Variants in PLXNA2 observed in about 807,000 individuals in gnomAD.
The protein encoded by PLXNA2 is plexin A2.
In PLXNA2, 91 loss-of-function variants were observed where a neutral mutation model predicts 193.5. The ratio of observed to expected loss-of-function variants is 0.47; its 90% CI spans 0.40 to 0.56. The LOEUF is 0.56. Ranked by LOEUF, PLXNA2 falls within the 20% of genes least tolerant of loss-of-function variation. The pLI is 0.00. For missense variants in PLXNA2, 1,995 were observed against 2,503.2 expected (o/e 0.80, Z 4.33); for synonymous variants, 997 against 1,027.3 (o/e 0.97, Z 0.56).
At chr1:208,224,813 C>G (rs759963788) in intron 1 of PLXNA2, among the ~76,000 whole-genome samples, 1 of 152,106 alleles carries the variant, frequency 6.6e-6, no homozygotes, top group Non-Finnish European at 1.5e-5. Context: ...CAGGAGGTGT[C>G]AAGACAAATT....
chr1:208,237,648 G>C (rs554120916), intron 1 of PLXNA2, among the ~76,000 whole-genome samples: 1 of 152,306 alleles, frequency 6.6e-6, no homozygotes, highest in Admixed American at 6.5e-5. Flanking sequence ...TTCTTCACAG[G>C]AAACTGTGAA....
chr1:208,189,330 C>G (rs1049941138), intron 3 of PLXNA2, among the ~76,000 whole-genome samples: 1 of 152,066 alleles, frequency 6.6e-6, no homozygotes, highest in African/African-American at 2.4e-5. Context: ...TTACCTGACT[C>G]TAAACAGAGG....
chr1:208,039,541 C>T (rs922038726), intron 24 of PLXNA2, 80 bp downstream of exon 24: 2 of 1,578,560 alleles, frequency 1.3e-6, no homozygotes, highest in East Asian at 4.5e-5. Context: ...ACCCCCTAGA[C>T]TGCTTTTATG....
chr1:208,096,633 T>C (rs561052616), intron 7 of PLXNA2, 97 bp downstream of exon 7: 9 of 1,359,458 alleles, frequency 6.6e-6, no homozygotes, highest in Non-Finnish European at 9.1e-6. Context: ...TATTAGTATC[T>C]GGTATAAGAA....
At chr1:208,133,022 T>G (rs1668204693) in intron 4 of PLXNA2, among the ~76,000 whole-genome samples, 1 of 152,168 alleles carries the variant, frequency 6.6e-6, no homozygotes, top group South Asian at 2.1e-4. Flanking sequence ...ACATTCGGCT[T>G]GGTATACCCT....
chr1:208,173,574 T>A (rs1669562261), intron 3 of PLXNA2, among the ~76,000 whole-genome samples: 1 of 152,212 alleles, frequency 6.6e-6, no homozygotes, highest in African/African-American at 2.4e-5. Context: ...AGCCCAGCGT[T>A]CTTTCCAGTC....
intron 3 of PLXNA2, among the ~76,000 whole-genome samples, chr1:208,199,385 GT>G (rs1035500736): frequency 1.3e-5 from 2 of 152,202 alleles, no homozygotes; most frequent in African/African-American, 4.8e-5. Context: ...TCAGTCTGAT[GT>G]TTTGTGCAGA....
intron 4 of PLXNA2, among the ~76,000 whole-genome samples, chr1:208,139,737 T>C (rs1421837939): frequency 6.6e-6 from 1 of 152,232 alleles, no homozygotes; most frequent in Non-Finnish European, 1.5e-5. Context: ...TTTTGACAGA[T>C]TATTCTCCTG....
intron 4 of PLXNA2, among the ~76,000 whole-genome samples, chr1:208,134,020 G>T (rs988864457): frequency 6.6e-6 from 1 of 152,154 alleles, no homozygotes; most frequent in Non-Finnish European, 1.5e-5. Flanking sequence ...CCCTCATCAA[G>T]GATTAGAGAG....
chr1:208,057,186 T>C (rs1002574518), intron 13 of PLXNA2, among the ~76,000 whole-genome samples: 16 of 152,236 alleles, frequency 1.1e-4, no homozygotes, highest in African/African-American at 2.9e-4. Context: ...CAGGATCTCA[T>C]GCCATCCTCA....
In PLXNA2 at chr1:208,029,085, G is replaced by A. The variant is rs375223744; in HGVS notation, c.5226-43C>T. ...GAAGACTTGAGAATGCATGCGGGCC[G>A]TGCCCCTTCTGCTGCCCACTGATAT... On this transcript the variant is annotated intron_variant, in intron 29 of 31. Coordinates refer to ENST00000367033, the MANE Select transcript of PLXNA2 (RefSeq NM_025179.4). The A allele has an allele frequency of 5.3e-5, 85 of 1,608,146 alleles. No individual in the cohort carries two copies. In the Admixed American group the frequency reaches 5.7e-4, roughly 11 times the overall value.
chr1:208,038,377 A>C lies in PLXNA2; in HGVS notation c.4758T>G (p.His1586Gln), dbSNP rs1664743049. The change falls in exon 26 of 32, where the codon CAT becomes CAG. Residue 1586 changes from histidine to glutamine, a missense_variant. Transcript: ENST00000367033. This position sits in a 1 kb window ranked among gnomAD's most constrained non-coding sequence, Gnocchi z 4.1. The stretch of plus-strand genomic sequence containing the variant: ...AAAAGACACCCCCTCTCACCTGATA[A>C]TGCATCAGTGTGTTGAGCCGCTTCC... ...GDWKRLNTLM[H>Q]YQVSDRSVVA... 1 of 1,605,908 alleles carries C rather than the reference A, an allele frequency of 6.2e-7. No individual in the cohort carries two copies.
At position 208,079,368 on chromosome 1, in the gene PLXNA2, G is replaced by GCACCAGCCACACT. The variant is rs978765809; in HGVS notation, c.2465_2477dup (p.Cys826Ter). ...GGAGGGTGCACCTGCGCTCGCCGCT[G>GCACCAGCCACACT]CACCAGCCACACTCAAACTTCCGGT... On this transcript the variant is annotated stop_gained and frameshift_variant, in exon 12 of 32. Transcript: ENST00000367033. LOFTEE classifies it high-confidence loss of function. The GCACCAGCCACACT allele has an allele frequency of 6.2e-7, 1 of 1,611,760 alleles. No homozygotes were observed. The highest frequency in any genetic ancestry group is 1.3e-5 in the African/African-American group (1 of 74,900).
At chr1:208,183,607 AG>A (rs367756173) in intron 3 of PLXNA2, among the ~76,000 whole-genome samples, 49,351 of 105,188 alleles carry the variant, frequency 0.47, 8,822 homozygotes, top group Middle Eastern at 0.56. Context: ...AGAGAGGGAG[AG>A]GGGGGGGTCT....
At chr1:208,213,904 T>C (rs906709632) in intron 2 of PLXNA2, among the ~76,000 whole-genome samples, 1 of 152,218 alleles carries the variant, frequency 6.6e-6, no homozygotes, top group Non-Finnish European at 1.5e-5. Flanking sequence ...CTTTTGTAAC[T>C]AGCCCAGGCT....
intron 3 of PLXNA2, among the ~76,000 whole-genome samples, chr1:208,160,213 AC>A (rs5780437): frequency 0.45 from 67,973 of 150,554 alleles, 15,395 homozygotes; most frequent in Middle Eastern, 0.54. Flanking sequence ...CATTAGTACA[AC>A]CCCCCCCGCC....
In PLXNA2 at chr1:208,084,600, G is replaced by C; in HGVS notation, c.2098-20C>G. 6.2e-7 allele frequency: 1 copy of C among 1,610,060 alleles called. No individual in the cohort carries two copies. Among genetic ancestry groups the C allele is most frequent in the South Asian group, 1.1e-5 (1 of 90,814 alleles). On this transcript the variant is annotated intron_variant, in intron 9 of 31. Coordinates refer to ENST00000367033, the MANE Select transcript of PLXNA2 (RefSeq NM_025179.4). ...ACAGTCCTGGGGGAACAAACGAAGAGGCTCCATCTGTCCCCTGTTCATGCT... is the reference window on the plus strand; with the variant it reads ...ACAGTCCTGGGGGAACAAACGAAGACGCTCCATCTGTCCCCTGTTCATGCT...
At chr1:208,205,314 A>T (rs1366264278) in intron 3 of PLXNA2, among the ~76,000 whole-genome samples, 1 of 152,114 alleles carries the variant, frequency 6.6e-6, no homozygotes, top group Admixed American at 6.5e-5. Flanking sequence ...CCCACTGCCT[A>T]TTCTTAACCA....
intron 13 of PLXNA2, among the ~76,000 whole-genome samples, chr1:208,056,749 C>G (rs1033367209): frequency 1.3e-5 from 2 of 152,178 alleles, no homozygotes; most frequent in African/African-American, 2.4e-5. Context: ...GGGGAGAAAT[C>G]AGAGCTGGCC....
Sources: gnomAD v4.1 joint callset for allele counts (sites outside exome capture counted in the v4.1 genomes callset) on GRCh38, gnomAD v4.1.1 for gene constraint, Gnocchi (gnomAD v3.1) non-coding constraint, MANE v1.5 for transcripts, NCBI Gene and HGNC (gene_info 2026-07-23, HGNC 2026-07-21) for gene names.